Variants in VAV3 observed in about 807,000 individuals in gnomAD.
VAV3 encodes the protein vav guanine nucleotide exchange factor 3.
In VAV3, 94 loss-of-function variants were observed where a neutral mutation model predicts 131.2. The ratio of observed to expected loss-of-function variants is 0.72; its 90% CI spans 0.61 to 0.85. The LOEUF is 0.85. Ranked by LOEUF, VAV3 falls within the 40% of genes least tolerant of loss-of-function variation. The pLI, the probability that VAV3 is intolerant of heterozygous loss-of-function variation, is 0.00. For synonymous variants in VAV3, 349 were observed against 342.0 expected, an observed-to-expected ratio of 1.02 and a Z score of -0.22; for missense variants, 939 against 1,002.7, an observed-to-expected ratio of 0.94 and a Z score of 0.86.
intron 13 of VAV3, among the ~76,000 whole-genome samples, chr1:107,749,888 A>G (rs1663601277): frequency 6.6e-6 from 1 of 152,228 alleles, no homozygotes; most frequent in Admixed American, 6.5e-5. Context: ...GAGATAAGCC[A>G]TAAAGTTTGT....
intron 24 of VAV3, among the ~76,000 whole-genome samples, chr1:107,600,618 G>A (rs948750589): frequency 1.3e-5 from 2 of 152,098 alleles, no homozygotes; most frequent in African/African-American, 4.8e-5. Context: ...AAACTTTTAA[G>A]GCTCTCTGGC....
chr1:107,750,765 A>AT (rs1297326677), intron 13 of VAV3, among the ~76,000 whole-genome samples: 1 of 152,160 alleles, frequency 6.6e-6, no homozygotes, highest in Non-Finnish European at 1.5e-5. Flanking sequence ...TTCTTAGGGC[A>AT]TTTTTCTATT....
chr1:107,704,944 G>GAC lies in VAV3; in HGVS notation c.1604+14_1604+15dup. 1 of 1,607,218 alleles carries GAC rather than the reference G, an allele frequency of 6.2e-7. No individual in the cohort carries two copies. Among genetic ancestry groups the GAC allele is most frequent in the Non-Finnish European group, 8.5e-7 (1 of 1,174,126 alleles). On this transcript the variant is annotated intron_variant, in intron 16 of 26. Coordinates refer to ENST00000370056, the MANE Select transcript of VAV3 (RefSeq NM_006113.5). ...TCAGTTCCTTTAAACTGAAAACCAGGACTGAGCAGGCTTACCTCAGGAGCA... is the reference window on the plus strand; with the variant it reads ...TCAGTTCCTTTAAACTGAAAACCAGGACACTGAGCAGGCTTACCTCAGGAGCA...
chr1:107,745,215 G>A (rs1243415773), intron 15 of VAV3, among the ~76,000 whole-genome samples: 1 of 151,988 alleles, frequency 6.6e-6, no homozygotes, highest in Non-Finnish European at 1.5e-5. Flanking sequence ...AAACCCTTTT[G>A]GAATAAATAA....
At chr1:107,904,809 CA>C (rs1448622636) in intron 1 of VAV3, among the ~76,000 whole-genome samples, 7 of 151,588 alleles carry the variant, frequency 4.6e-5, no homozygotes, top group African/African-American at 1.7e-4. Flanking sequence ...GAGAGGCACA[CA>C]ATAATGAACT....
intron 2 of VAV3, among the ~76,000 whole-genome samples, chr1:107,866,315 C>A (rs1304641579): frequency 5.3e-5 from 8 of 152,086 alleles, no homozygotes; most frequent in African/African-American, 1.9e-4. Flanking sequence ...TTCCTGTAGA[C>A]CTGTACAGAT....
At chr1:107,750,402 T>G (rs949659986) in intron 13 of VAV3, among the ~76,000 whole-genome samples, 4 of 152,216 alleles carry the variant, frequency 2.6e-5, no homozygotes, top group African/African-American at 4.8e-5. Context: ...TACTTGTGTA[T>G]TTTTATAAAC....
At chr1:107,852,464 C>T (rs1490531846) in intron 2 of VAV3, among the ~76,000 whole-genome samples, 1 of 152,150 alleles carries the variant, frequency 6.6e-6, no homozygotes, top group African/African-American at 2.4e-5. Flanking sequence ...GGCAAGCTTC[C>T]TTCCAGGCTT....
intron 22 of VAV3, chr1:107,609,290 T>G (rs1412469577): frequency 6.6e-6 from 1 of 152,164 alleles, no homozygotes; most frequent in African/African-American, 2.4e-5. Context: ...TCCATTACAC[T>G]TCCTAGGTTT....
At position 107,770,643 on chromosome 1, in the gene VAV3, A is replaced by G. The variant is rs769677377; in HGVS notation, c.641T>C (p.Ile214Thr). The G allele has an allele frequency of 7.5e-6, 12 of 1,604,184 alleles. No individual in the cohort carries two copies. Among genetic ancestry groups the G allele is most frequent in the Non-Finnish European group, 1.0e-5 (12 of 1,172,164 alleles). The change falls in exon 6 of 27, where the codon ATA becomes ACA. Residue 214 changes from isoleucine (I) to threonine (T), a missense_variant. Coordinates refer to ENST00000370056, the MANE Select transcript of VAV3 (RefSeq NM_006113.5). ...EEKYTETLES[I>T]EKYFMAPLKR... The stretch of plus-strand genomic sequence containing the variant: ...TAATACCTGATGACTTACCTTTTCT[A>G]TTGACTCCAAAGTTTCTGTATATTT...
intron 1 of VAV3, among the ~76,000 whole-genome samples, chr1:107,913,244 G>T (rs1305489268): frequency 1.3e-5 from 2 of 152,154 alleles, no homozygotes; most frequent in Non-Finnish European, 2.9e-5. Context: ...TGTTTAAGAT[G>T]AATTCCACAA....
chr1:107,808,293 A>G (rs1477703529), intron 2 of VAV3, among the ~76,000 whole-genome samples: 1 of 152,184 alleles, frequency 6.6e-6, no homozygotes, highest in Non-Finnish European at 1.5e-5. Flanking sequence ...TGAAGTGAAC[A>G]TGACAGGCCT....
At chr1:107,582,583 C>T (rs1235307597) in intron 25 of VAV3, among the ~76,000 whole-genome samples, 1 of 127,816 alleles carries the variant, frequency 7.8e-6, no homozygotes, top group East Asian at 2.4e-4. Context: ...CCACAACAGT[C>T]CCCAGGGTGT....
chr1:107,659,617 CCTT>C (rs1466189549), intron 19 of VAV3, among the ~76,000 whole-genome samples: 5 of 152,040 alleles, frequency 3.3e-5, no homozygotes, highest in African/African-American at 7.2e-5. Context: ...TTTTACATAA[CCTT>C]CTTGGAATCT....
In VAV3 at chr1:107,760,684, T is replaced by C; in HGVS notation, c.1017+100A>G. The C allele has an allele frequency of 4.8e-6, 4 of 840,780 alleles. No homozygotes were observed. In the South Asian group the frequency reaches 7.8e-5, roughly 16 times the overall value. The allele number at this position is 840,780 out of a possible 1,614,324, so 52.1% of individuals were successfully genotyped here. A position where few individuals can be genotyped will look rare whatever the true frequency, so the allele number is the denominator to read the frequency against. On this transcript the variant is annotated intron_variant, in intron 10 of 26. Coordinates refer to ENST00000370056, the MANE Select transcript of VAV3 (RefSeq NM_006113.5). ...TAATAATTCAAAATTTTAAGGGGAT[T>C]GGGCCCAACACATGGAATATCTGCA...
intron 2 of VAV3, among the ~76,000 whole-genome samples, chr1:107,803,653 T>C (rs1490330924): frequency 6.6e-6 from 1 of 152,120 alleles, no homozygotes; most frequent in African/African-American, 2.4e-5. Flanking sequence ...CTGAGACTTG[T>C]TTCCTGGCCT....
intron 15 of VAV3, among the ~76,000 whole-genome samples, chr1:107,709,315 A>T (rs1043349333): frequency 1.2e-4 from 19 of 152,330 alleles, no homozygotes; most frequent in African/African-American, 4.3e-4. Context: ...GCTGATAGAA[A>T]TCAGAAAAAA....
intron 2 of VAV3, among the ~76,000 whole-genome samples, chr1:107,846,535 G>A (rs1373944231): frequency 1.3e-5 from 2 of 152,224 alleles, no homozygotes; most frequent in Admixed American, 6.5e-5. Context: ...CACATGCAAA[G>A]ACACACATAG....
intron 19 of VAV3, among the ~76,000 whole-genome samples, chr1:107,647,158 A>G (rs1328378506): frequency 6.6e-6 from 1 of 150,982 alleles, no homozygotes; most frequent in Non-Finnish European, 1.5e-5. Context: ...GTATCTATTC[A>G]TGATGCTGTT....
Sources: allele counts gnomAD v4.1 joint callset (sites outside exome capture counted in the v4.1 genomes callset), GRCh38; gene constraint gnomAD v4.1.1; transcripts MANE v1.5; gene names NCBI Gene and HGNC (gene_info 2026-07-23, HGNC 2026-07-21).